Variants in PRR5 observed in about 807,000 individuals in gnomAD.
PRR5 encodes the protein proline rich 5.
PRR5 carries 25 observed loss-of-function variants against 30.6 expected under a neutral mutation model. The observed-to-expected ratio is 0.82, with a 90% CI of 0.60 to 1.14. PRR5 has a LOEUF of 1.14. Among genes scored for constraint, PRR5 ranks in the 50% most tolerant of loss-of-function variants. PRR5 has a pLI of 0.00. For missense variants in PRR5, 600 were observed against 547.1 expected (o/e 1.10, Z -0.96); for synonymous variants, 286 against 247.1 (o/e 1.16, Z -1.48).
intron 1 of PRR5, among the ~76,000 whole-genome samples, chr22:44,681,430 A>G (rs1424142552): frequency 1.3e-5 from 2 of 152,118 alleles, no homozygotes; most frequent in African/African-American, 4.8e-5. Context: ...TCTACTAAAA[A>G]TATAAAAATT....
rs911319269 is a variant in PRR5 at position 44,691,590 on chromosome 22, A to T, written c.-10-10902A>T. 1.3e-5 allele frequency among the ~76,000 whole-genome samples: 2 copies of T among 152,156 alleles called. No homozygotes were observed. The highest frequency in any genetic ancestry group is 2.4e-5 in the African/African-American group (1 of 41,448). On this transcript the variant is annotated intron_variant, in intron 1 of 8. Coordinates refer to the PRR5 transcript ENST00000006251. The surrounding 1 kb of genome is among the most constrained non-coding windows in gnomAD (Gnocchi z 4.4). ...GGAGTTCAAGACCAGCCTGGCCAAC[A>T]TGGCAAAACCCCGTCTCTACTAAAA...
chr22:44,713,599 C>T (rs1928588850), intron 1 of PRR5, among the ~76,000 whole-genome samples: 1 of 152,196 alleles, frequency 6.6e-6, no homozygotes, highest in South Asian at 2.1e-4. Context: ...CTCCCAGCCT[C>T]AAGCAATCCT....
intron 1 of PRR5, among the ~76,000 whole-genome samples, chr22:44,710,146 C>A (rs1196039772): frequency 6.6e-6 from 1 of 152,160 alleles, no homozygotes; most frequent in African/African-American, 2.4e-5. Flanking sequence ...ATGGCCTGTT[C>A]TGGACAGACA....
intron 1 of PRR5, chr22:44,679,773 G>A (rs770422766): frequency 6.4e-7 from 1 of 1,569,750 alleles, no homozygotes; most frequent in African/African-American, 1.4e-5. Flanking sequence ...AGTCTGATGG[G>A]GCAGGCTGGT....
At chr22:44,712,434 G>A (rs541668305) in intron 1 of PRR5, among the ~76,000 whole-genome samples, 6 of 152,316 alleles carry the variant, frequency 3.9e-5, no homozygotes, top group Non-Finnish European at 5.9e-5. Context: ...ACCCTGCCCT[G>A]CGCCAGCGAG....
At chr22:44,728,950 G>A (rs1921378019) in intron 4 of PRR5, among the ~76,000 whole-genome samples, 1 of 152,182 alleles carries the variant, frequency 6.6e-6, no homozygotes. Flanking sequence ...GGAAGGGGAG[G>A]AAGACTGGAC....
intron 1 of PRR5, among the ~76,000 whole-genome samples, chr22:44,682,537 C>T (rs1056635773): frequency 5.3e-5 from 8 of 152,190 alleles, no homozygotes; most frequent in African/African-American, 1.9e-4. Context: ...TGCCTTCTCA[C>T]AGAGCAATTA....
Position 44,702,472 on chromosome 22 carries a change from A to G in PRR5, c.-3A>G. On this transcript the variant is annotated 5_prime_UTR_variant, in exon 1 of 8. Coordinates refer to ENST00000336985, the MANE Select transcript of PRR5 (RefSeq NM_181333.4). ...GGGCGCGGCGCAGGCGGCCCGGGTC[A>G]CCATGAGGACTCTCCGCAGGTTGAA... 1.4e-6 allele frequency: 2 copies of G among 1,394,792 alleles called. No individual in the cohort carries two copies. Among genetic ancestry groups the G allele is most frequent in the Non-Finnish European group, 1.9e-6 (2 of 1,066,358 alleles). The allele number at this position is 1,394,792 out of a possible 1,614,324, so 86.4% of individuals were successfully genotyped here.
chr22:44,704,241 G>T (rs1165756198), intron 1 of PRR5, among the ~76,000 whole-genome samples: 1 of 152,188 alleles, frequency 6.6e-6, no homozygotes, highest in Non-Finnish European at 1.5e-5. Context: ...CATTTGGAGG[G>T]CTCCACAGGA....
upstream of PRR5, among the ~76,000 whole-genome samples, chr22:44,701,637 T>A (rs1176053497): frequency 6.6e-6 from 1 of 152,194 alleles, no homozygotes; most frequent in East Asian, 1.9e-4. Flanking sequence ...CCTCTACTTC[T>A]TCAAGCCCTC....
intron 4 of PRR5, 182 bp from the exon 5 acceptor site, chr22:44,731,548 G>A (rs1178336836): frequency 6.5e-6 from 4 of 617,254 alleles, no homozygotes; most frequent in Non-Finnish European, 1.2e-5. Flanking sequence ...CTGAGGTTAA[G>A]CAGTGGGCCC....
chr22:44,675,260 G>GA (rs1010426557), upstream of PRR5, among the ~76,000 whole-genome samples: 2 of 148,248 alleles, frequency 1.3e-5, no homozygotes, highest in African/African-American at 5.0e-5. Flanking sequence ...AAAAAAAAAA[G>GA]AAAAAAAAGA....
rs58458203 is a variant in PRR5 at position 44,669,867 on chromosome 22, G to A, written c.-11+1062G>A. ...CATTCCCTGGACTGGATCTGGAGGC[G>A]GGAGGGCGCCTCCCTGTGGCCCCTC... is the stretch of plus-strand genomic sequence containing the variant. On this transcript the variant is annotated intron_variant, in intron 1 of 8. Coordinates refer to the PRR5 transcript ENST00000432186. Among the ~76,000 whole-genome samples, 225 of 152,242 alleles carry A rather than the reference G, an allele frequency of 1.5e-3. 2 individuals are homozygous for A. Among genetic ancestry groups the A allele is most frequent in the African/African-American group, 5.1e-3 (212 of 41,546 alleles).
At chr22:44,674,674 C>CA (rs765852469), upstream of PRR5, among the ~76,000 whole-genome samples, 2,821 of 150,336 alleles carry the variant, frequency 0.019, 95 homozygotes, top group African/African-American at 0.065. Context: ...TGAGCCAAGA[C>CA]CGCCACTGCA....
At chr22:44,722,623 G>T (rs1333469419) in intron 2 of PRR5, among the ~76,000 whole-genome samples, 1 of 152,198 alleles carries the variant, frequency 6.6e-6, no homozygotes, top group East Asian at 1.9e-4. Flanking sequence ...AAAAAGTACA[G>T]CCACCCCAAA....
At chr22:44,710,403 G>GA (rs1414437734) in intron 1 of PRR5, among the ~76,000 whole-genome samples, 2 of 152,148 alleles carry the variant, frequency 1.3e-5, no homozygotes, top group Admixed American at 1.3e-4. Flanking sequence ...TGGGGCTGGG[G>GA]GGGCTTCCTA....
intron 2 of PRR5, among the ~76,000 whole-genome samples, chr22:44,721,438 A>G (rs968772657): frequency 6.6e-6 from 1 of 152,210 alleles, no homozygotes; most frequent in Non-Finnish European, 1.5e-5. Context: ...GGTTGTGGAA[A>G]GTGACCCATC....
chr22:44,702,141 TTCCCC>T (rs1466741976), upstream of PRR5: 1 of 193,060 alleles, frequency 5.2e-6, no homozygotes, highest in Non-Finnish European at 9.3e-6. Flanking sequence ...CCCCGCCCCC[TTCCCC>T]GCCCCGCCCC....
At chr22:44,709,957 G>A (rs770866011) in intron 1 of PRR5, among the ~76,000 whole-genome samples, 4 of 152,264 alleles carry the variant, frequency 2.6e-5, no homozygotes, top group East Asian at 1.9e-4. Flanking sequence ...TGGCCGCCAC[G>A]GAAACCCACA....
Sources: allele counts gnomAD v4.1 joint callset (sites outside exome capture counted in the v4.1 genomes callset), GRCh38; gene constraint gnomAD v4.1.1; non-coding constraint Gnocchi (gnomAD v3.1); transcripts MANE v1.5; gene names NCBI Gene and HGNC (gene_info 2026-07-23, HGNC 2026-07-21).